Variants in RASA3 observed in about 807,000 individuals in gnomAD.
RASA3 encodes ras GTPase-activating protein 3.
RASA3 carries 73 observed loss-of-function variants against 110.0 expected under a neutral mutation model. The observed-to-expected ratio is 0.66, with a 90% CI of 0.55 to 0.81. RASA3 has a LOEUF of 0.81. Among genes scored for constraint, RASA3 ranks in the 30% least tolerant of loss-of-function variants. The pLI, the probability that RASA3 is intolerant of heterozygous loss-of-function variation, is 0.00. For missense variants in RASA3, 976 were observed against 1,113.2 expected (o/e 0.88, Z 1.75); for synonymous variants, 500 against 451.4 (o/e 1.11, Z -1.37).
At chr13:114,020,951 C>T (rs1380624913) in intron 9 of RASA3, among the ~76,000 whole-genome samples, 3 of 152,186 alleles carry the variant, frequency 2.0e-5, no homozygotes, top group Non-Finnish European at 4.4e-5. Context: ...TCAGACCTCA[C>T]GAGCTGCTCG....
chr13:114,020,384 T>C (rs908239691), intron 9 of RASA3, among the ~76,000 whole-genome samples: 1 of 152,192 alleles, frequency 6.6e-6, no homozygotes, highest in African/African-American at 2.4e-5. Flanking sequence ...ATGTGGTGGC[T>C]GCCTTGGCTA....
chr13:114,053,240 T>A (rs1463572143), intron 2 of RASA3, among the ~76,000 whole-genome samples: 2 of 137,494 alleles, frequency 1.5e-5, no homozygotes, highest in Non-Finnish European at 3.1e-5. Context: ...AGGCCGCCCA[T>A]GCGTGAGTCA....
chr13:114,059,957 G>A (rs556872022), intron 2 of RASA3, among the ~76,000 whole-genome samples: 3 of 152,386 alleles, frequency 2.0e-5, no homozygotes, highest in East Asian at 1.9e-4. Flanking sequence ...GCTGGCGGGG[G>A]CAGCACTGTG....
At chr13:114,105,098 G>T (rs2080116547) in intron 1 of RASA3, among the ~76,000 whole-genome samples, 1 of 152,036 alleles carries the variant, frequency 6.6e-6, no homozygotes, top group Non-Finnish European at 1.5e-5. Context: ...AGAATCCCTG[G>T]AGATGGAGAG....
At chr13:114,127,987 A>C (rs2080472368) in intron 1 of RASA3, among the ~76,000 whole-genome samples, 1 of 152,186 alleles carries the variant, frequency 6.6e-6, no homozygotes, top group African/African-American at 2.4e-5. Context: ...TCCCCTTTCC[A>C]GGCAAGGCCC....
At chr13:114,063,436 TAAC>T (rs1423172225) in intron 2 of RASA3, among the ~76,000 whole-genome samples, 1 of 151,046 alleles carries the variant, frequency 6.6e-6, no homozygotes, top group African/African-American at 2.4e-5. Flanking sequence ...ACAAATATAT[TAAC>T]AATAATAGTA....
intron 2 of RASA3, among the ~76,000 whole-genome samples, chr13:114,073,242 T>A (rs539697158): frequency 6.8e-6 from 1 of 147,424 alleles, no homozygotes; most frequent in East Asian, 2.0e-4. Context: ...ACAGAAAAAT[T>A]CCCTACACGC....
chr13:113,997,344 G>T (rs2053279469), intron 20 of RASA3, among the ~76,000 whole-genome samples: 1 of 152,190 alleles, frequency 6.6e-6, no homozygotes, highest in South Asian at 2.1e-4. Context: ...GACAAAGCCT[G>T]GCATAGAGTT....
intron 1 of RASA3, among the ~76,000 whole-genome samples, chr13:114,099,135 G>T (rs531159989): frequency 9.9e-6 from 1 of 100,902 alleles, no homozygotes; most frequent in South Asian, 4.5e-4. Flanking sequence ...GACCACAGCA[G>T]TCGGGGCCCG....
chr13:114,116,521 ACG>A (rs2080277651), intron 1 of RASA3, among the ~76,000 whole-genome samples: 1 of 152,132 alleles, frequency 6.6e-6, no homozygotes, highest in African/African-American at 2.4e-5. Flanking sequence ...CTTACGGCAC[ACG>A]AACCCTTAGA....
At chr13:114,117,063 TG>T (rs1380511868) in intron 1 of RASA3, among the ~76,000 whole-genome samples, 1 of 69,208 alleles carries the variant, frequency 1.4e-5, no homozygotes, top group Non-Finnish European at 2.7e-5. Flanking sequence ...GAGGGGTGCA[TG>T]TGTGTGGGGG....
chr13:114,019,577 A>AC (rs2053872066), intron 9 of RASA3, among the ~76,000 whole-genome samples: 1 of 146,194 alleles, frequency 6.8e-6, no homozygotes, highest in South Asian at 2.2e-4. Context: ...TGTCTGCAGC[A>AC]TTAGCAGCCC....
chr13:113,998,176 C>T (rs1399483261), intron 20 of RASA3, among the ~76,000 whole-genome samples: 1 of 152,156 alleles, frequency 6.6e-6, no homozygotes, highest in Non-Finnish European at 1.5e-5. Flanking sequence ...ACACTGCTTC[C>T]TTCGAGGGAC....
At chr13:114,042,909 A>T (rs2054444059) in intron 3 of RASA3, among the ~76,000 whole-genome samples, 1 of 152,208 alleles carries the variant, frequency 6.6e-6, no homozygotes, top group South Asian at 2.1e-4. Context: ...ACAGACGAGC[A>T]GGCCGGGGCT....
chr13:114,045,502 A>T (rs1258630939), intron 3 of RASA3, among the ~76,000 whole-genome samples: 1 of 152,212 alleles, frequency 6.6e-6, no homozygotes, highest in Non-Finnish European at 1.5e-5. Context: ...TGCCCGAGAC[A>T]GGGAATGCGG....
intron 12 of RASA3, 54 bp downstream of exon 12, chr13:114,017,183 G>T: frequency 6.6e-7 from 1 of 1,509,108 alleles, no homozygotes; most frequent in Non-Finnish European, 9.2e-7. Context: ...CCCTCTGTTG[G>T]GGGAAATCCT....
At chr13:114,012,574 A>T (rs1353348465) in intron 15 of RASA3, among the ~76,000 whole-genome samples, 1 of 98,620 alleles carries the variant, frequency 1.0e-5, no homozygotes, top group African/African-American at 4.2e-5. Flanking sequence ...TTCCACACAC[A>T]CTCCCCATTC....
chr13:114,076,868 GCTGA>G (rs2079693830), intron 1 of RASA3, among the ~76,000 whole-genome samples: 1 of 152,228 alleles, frequency 6.6e-6, no homozygotes. Context: ...GCTTGACTTT[GCTGA>G]CTTTCCTTCT....
intron 3 of RASA3, among the ~76,000 whole-genome samples, chr13:114,050,264 G>C (rs1386286479): frequency 6.6e-6 from 1 of 152,186 alleles, no homozygotes; most frequent in Non-Finnish European, 1.5e-5. Flanking sequence ...GCCCAGCACA[G>C]CAAGACCCTG....
Sources: allele counts gnomAD v4.1 joint callset (sites outside exome capture counted in the v4.1 genomes callset), GRCh38; gene constraint gnomAD v4.1.1; transcripts MANE v1.5; gene names NCBI Gene and HGNC (gene_info 2026-07-23, HGNC 2026-07-21).